Variants in CNTN4 observed in about 807,000 individuals in gnomAD.
CNTN4 encodes the protein contactin 4.
CNTN4 carries 77 observed loss-of-function variants against 122.5 expected under a neutral mutation model. That is an observed-to-expected ratio of 0.63 (90% confidence interval 0.52 to 0.76). CNTN4 has a LOEUF of 0.76. Among genes scored for constraint, CNTN4 ranks in the 30% least tolerant of loss-of-function variants. The probability of loss-of-function intolerance (pLI) is 0.00; values close to 1 mark genes in which losing one functional copy is unlikely to be tolerated. For missense variants in CNTN4, 1,256 were observed against 1,259.1 expected, an observed-to-expected ratio of 1.00 and a Z score of 0.04; for synonymous variants, 512 against 447.0, an observed-to-expected ratio of 1.15 and a Z score of -1.83.
intron 2 of CNTN4, among the ~76,000 whole-genome samples, chr3:2,196,154 C>A (rs949536808): frequency 2.0e-5 from 3 of 152,112 alleles, no homozygotes; most frequent in Non-Finnish European, 4.4e-5. Context: ...GTAAAGGGAA[C>A]AGGCTGGAAT....
chr3:2,117,014 A>G (rs372631178), intron 2 of CNTN4, among the ~76,000 whole-genome samples: 4 of 152,150 alleles, frequency 2.6e-5, no homozygotes, highest in African/African-American at 9.7e-5. Flanking sequence ...TCCAGCAGAC[A>G]CTAACTCAGC....
chr3:2,651,757 C>T (rs909620075), intron 4 of CNTN4, among the ~76,000 whole-genome samples: 6 of 150,022 alleles, frequency 4.0e-5, no homozygotes, highest in Non-Finnish European at 7.4e-5. Flanking sequence ...GGCTAGAGGG[C>T]AGTGGTGCTA....
chr3:2,776,270 G>GTTTCT (rs1209745478), intron 6 of CNTN4, among the ~76,000 whole-genome samples: 1 of 36,634 alleles, frequency 2.7e-5, no homozygotes, highest in African/African-American at 6.4e-5. Flanking sequence ...GGTTATAAGT[G>GTTTCT]TTTCTTTTTT....
At chr3:2,713,886 G>A (rs907136013) in intron 4 of CNTN4, among the ~76,000 whole-genome samples, 1 of 152,172 alleles carries the variant, frequency 6.6e-6, no homozygotes, top group Admixed American at 6.5e-5. Context: ...GAACTTAAGT[G>A]TTCACAAAGT....
intron 2 of CNTN4, among the ~76,000 whole-genome samples, chr3:2,277,923 G>A (rs1052448903): frequency 6.6e-6 from 1 of 151,268 alleles, no homozygotes; most frequent in Non-Finnish European, 1.5e-5. Context: ...GAAGCACAGA[G>A]GATAATGGCT....
chr3:2,301,622 G>T (rs1288216876), intron 2 of CNTN4, among the ~76,000 whole-genome samples: 1 of 152,128 alleles, frequency 6.6e-6, no homozygotes, highest in Non-Finnish European at 1.5e-5. Context: ...TTGATTATCA[G>T]CCTTGAACAG....
chr3:2,779,813 G>A (rs2091495304), intron 6 of CNTN4, among the ~76,000 whole-genome samples: 2 of 152,158 alleles, frequency 1.3e-5, no homozygotes, highest in African/African-American at 4.8e-5. Flanking sequence ...CCTAAAATGA[G>A]GGGGAAAATT....
intron 2 of CNTN4, among the ~76,000 whole-genome samples, chr3:2,213,779 A>G (rs1223047809): frequency 6.6e-6 from 1 of 152,124 alleles, no homozygotes; most frequent in East Asian, 1.9e-4. Flanking sequence ...ATAGGAAGTG[A>G]TTTTTCTGGG....
At position 2,213,128 on chromosome 3, in the gene CNTN4, T is replaced by TA. The variant is rs537470228; in HGVS notation, c.-145+112492dup. Among the ~76,000 whole-genome samples the TA allele has an allele frequency of 5.9e-5, 9 of 152,316 alleles. No homozygotes were observed. In the East Asian group the frequency reaches 1.7e-3, roughly 29 times the overall value. On this transcript the variant is annotated intron_variant, in intron 2 of 24. Transcript: ENST00000418658. The stretch of plus-strand genomic sequence containing the variant: ...GGTTCACTGAATGAAATTACTGTTT[T>TA]AAAGTATCAGAAAGGACACACTGAG...
intron 4 of CNTN4, among the ~76,000 whole-genome samples, chr3:2,714,894 G>A (rs75652452): frequency 3.3e-5 from 5 of 152,078 alleles, no homozygotes; most frequent in Admixed American, 6.6e-5. Flanking sequence ...GAGGCACCAC[G>A]CTGGGCCCAG....
chr3:2,340,403 C>T (rs2044137873), intron 3 of CNTN4, among the ~76,000 whole-genome samples: 1 of 151,728 alleles, frequency 6.6e-6, no homozygotes, highest in Admixed American at 6.6e-5. Context: ...TTATTCGGTA[C>T]AGGGTTTGAT....
intron 2 of CNTN4, among the ~76,000 whole-genome samples, chr3:2,119,351 A>T (rs2033572087): frequency 6.6e-6 from 1 of 152,202 alleles, no homozygotes; most frequent in Admixed American, 6.5e-5. Context: ...TCTGTGGAGA[A>T]CCCTGACTAC....
At chr3:2,252,127 A>C (rs1041563829) in intron 2 of CNTN4, among the ~76,000 whole-genome samples, 1 of 152,026 alleles carries the variant, frequency 6.6e-6, no homozygotes, top group African/African-American at 2.4e-5. Context: ...CACTGATTTA[A>C]TGAATGAAGA....
chr3:2,651,584 C>T (rs2083360585), intron 4 of CNTN4, among the ~76,000 whole-genome samples: 1 of 152,186 alleles, frequency 6.6e-6, no homozygotes, highest in Non-Finnish European at 1.5e-5. Flanking sequence ...GGCACGGTGG[C>T]TCATACCTGT....
rs1360605786 is a variant in CNTN4 at position 2,108,529 on chromosome 3, T to A, written c.-145+7890T>A. On this transcript the variant is annotated intron_variant, in intron 2 of 24. Coordinates refer to ENST00000418658, the MANE Select transcript of CNTN4 (RefSeq NM_175607.3). Reference sequence around the variant, plus strand: ...ACATTGTAATAGCTCTCATTTAACATGCCACTCGGTGCAATGGAATTTCAT... The same window carrying A: ...ACATTGTAATAGCTCTCATTTAACAAGCCACTCGGTGCAATGGAATTTCAT... Among the ~76,000 whole-genome samples, 9 of 152,298 alleles carry A rather than the reference T, an allele frequency of 5.9e-5. No homozygotes were observed. In the East Asian group the frequency reaches 1.7e-3, roughly 29 times the overall value.
intron 4 of CNTN4, among the ~76,000 whole-genome samples, chr3:2,681,221 G>A (rs2085147661): frequency 6.6e-6 from 1 of 152,166 alleles, no homozygotes; most frequent in Non-Finnish European, 1.5e-5. Context: ...AATAGTTCTA[G>A]TAATACCATG....
intron 4 of CNTN4, among the ~76,000 whole-genome samples, chr3:2,586,343 G>A (rs1360751046): frequency 2.0e-5 from 3 of 152,082 alleles, no homozygotes; most frequent in East Asian, 1.9e-4. Context: ...CCCAGGCTGG[G>A]GTAAAATGGC....
chr3:2,608,708 C>T (rs2149804760), intron 4 of CNTN4, among the ~76,000 whole-genome samples: 3 of 152,318 alleles, frequency 2.0e-5, no homozygotes. Flanking sequence ...ATCTCGAACT[C>T]CTGACCTCGT....
At chr3:2,108,790 G>A (rs780410078) in intron 2 of CNTN4, among the ~76,000 whole-genome samples, 4 of 152,260 alleles carry the variant, frequency 2.6e-5, no homozygotes, top group South Asian at 2.1e-4. Context: ...TAAAGCACAC[G>A]AGTTTTGTGA....
Sources: gnomAD v4.1 joint callset for allele counts (sites outside exome capture counted in the v4.1 genomes callset) on GRCh38, gnomAD v4.1.1 for gene constraint, MANE v1.5 for transcripts, NCBI Gene and HGNC (gene_info 2026-07-23, HGNC 2026-07-21) for gene names.